SRD5A3: variants seen among roughly 807,000 people sequenced by gnomAD.
SRD5A3 encodes the protein steroid 5 alpha-reductase 3.
Under a neutral mutation model 34.3 loss-of-function variants are expected in SRD5A3, and 24 were observed. The ratio of observed to expected loss-of-function variants is 0.70; its 90% confidence interval spans 0.51 to 0.99. SRD5A3 has a LOEUF of 0.99. Among genes scored for constraint, SRD5A3 ranks in the 50% least tolerant of loss-of-function variants. SRD5A3 has a pLI of 0.00. For synonymous variants in SRD5A3, 161 were observed against 167.3 expected (o/e 0.96, Z 0.29); for missense variants, 350 against 388.2 (o/e 0.90, Z 0.83).
chr4:55,370,127 T>G lies in SRD5A3; in HGVS notation c.*36T>G. On this transcript the variant is annotated 3_prime_UTR_variant, in exon 5 of 5. Coordinates refer to ENST00000264228, the MANE Select transcript of SRD5A3 (RefSeq NM_024592.5). ...GTCATGAAGAATGCAAACCAGGTGA[T>G]GGTTTCAATGCCTAAGGACAGTGAA... 1 of 1,610,892 alleles carries G rather than the reference T, an allele frequency of 6.2e-7. No individual in the cohort carries two copies. Among genetic ancestry groups the G allele is most frequent in the Non-Finnish European group, 8.5e-7 (1 of 1,179,830 alleles).
intron 1 of SRD5A3, among the ~76,000 whole-genome samples, chr4:55,355,806 A>G (rs1205238448): frequency 6.6e-6 from 1 of 152,122 alleles, no homozygotes; most frequent in Non-Finnish European, 1.5e-5. Flanking sequence ...TGGGTTTCTC[A>G]TCTGCCACAC....
At chr4:55,359,639 C>G (rs1290897552) in intron 2 of SRD5A3, 151 bp downstream of exon 2, 1 of 1,038,220 alleles carries the variant, frequency 9.6e-7, no homozygotes, top group Non-Finnish European at 1.4e-6. Context: ...GAGCTTTGCA[C>G]GGTTCATTGC....
Position 55,369,911 on chromosome 4 carries a change from G to A in SRD5A3, c.777G>A (p.Glu259=). The A allele has an allele frequency of 6.2e-7, 1 of 1,614,126 alleles. No individual in the cohort carries two copies. The highest frequency in any genetic ancestry group is 1.3e-5 in the African/African-American group (1 of 75,000). ...EYVSSPNYLA[E]LMIYVSMAVT... ...TTTCTTCCCCTAACTACTTAGCAGA[G>A]CTGATGATCTACGTTTCCATGGCCG... is the stretch of plus-strand genomic sequence containing the variant. The change falls in exon 5 of 5, where the codon GAG becomes GAA. Residue 259 remains glutamate, a synonymous_variant. Coordinates refer to ENST00000264228, the MANE Select transcript of SRD5A3 (RefSeq NM_024592.5).
At chr4:55,354,182 C>A (rs931944222) in intron 1 of SRD5A3, among the ~76,000 whole-genome samples, 5 of 152,114 alleles carry the variant, frequency 3.3e-5, no homozygotes, top group African/African-American at 1.2e-4. Flanking sequence ...CTGCAGCCTC[C>A]CATCTCCTGG....
intron 1 of SRD5A3, among the ~76,000 whole-genome samples, chr4:55,349,152 A>G (rs1719098570): frequency 6.6e-6 from 1 of 152,154 alleles, no homozygotes; most frequent in Non-Finnish European, 1.5e-5. Context: ...CTCCTCCCTC[A>G]GTCTCCTGAG....
At chr4:55,366,286 T>C (rs1029516118) in intron 3 of SRD5A3, among the ~76,000 whole-genome samples, 1 of 152,226 alleles carries the variant, frequency 6.6e-6, no homozygotes, top group Non-Finnish European at 1.5e-5. Flanking sequence ...CTGTAACTTT[T>C]CATCCTGTTG....
At chr4:55,360,688 G>GTTTTTT (rs367942216) in intron 2 of SRD5A3, among the ~76,000 whole-genome samples, 1 of 133,610 alleles carries the variant, frequency 7.5e-6, no homozygotes, top group Non-Finnish European at 1.5e-5. Flanking sequence ...AATATGGAAC[G>GTTTTTT]TTTTTTTTTT....
intron 2 of SRD5A3, among the ~76,000 whole-genome samples, chr4:55,361,960 A>G (rs1719702219): frequency 6.6e-6 from 1 of 152,118 alleles, no homozygotes; most frequent in Non-Finnish European, 1.5e-5. Context: ...GATATGAGGA[A>G]TTCTATTTGT....
Position 55,346,405 on chromosome 4 carries a change from C to T in SRD5A3, c.69C>T (p.Thr23=). The T allele has an allele frequency of 6.3e-7, 1 of 1,590,878 alleles. No individual in the cohort carries two copies. Among genetic ancestry groups the T allele is most frequent in the Non-Finnish European group, 8.5e-7 (1 of 1,170,520 alleles). The change falls in exon 1 of 5, where the codon ACC becomes ACT. Residue 23 remains threonine, a synonymous_variant. Transcript: ENST00000264228. Reference sequence around the variant, plus strand: ...TGCGCGCGGTGTGGCTCACGCTGACCGCCGCCTTCCTGCTGACCCTACTGC... The same window carrying T: ...TGCGCGCGGTGTGGCTCACGCTGACTGCCGCCTTCCTGCTGACCCTACTGC... ...NPLRAVWLTL[T]AAFLLTLLLQ... is the part of the protein sequence containing the mutation.
At chr4:55,359,600 C>A (rs902662289) in intron 2 of SRD5A3, 112 bp downstream of exon 2, 4 of 1,427,422 alleles carry the variant, frequency 2.8e-6, no homozygotes, top group Non-Finnish European at 2.9e-6. Flanking sequence ...CTCAGAAGGG[C>A]CTGGGAAGTG....
intron 1 of SRD5A3, among the ~76,000 whole-genome samples, chr4:55,353,266 CTG>C (rs899603716): frequency 3.9e-5 from 6 of 152,156 alleles, no homozygotes; most frequent in African/African-American, 1.4e-4. Context: ...AATCAGCACT[CTG>C]TAAAAACACA....
rs1388485683 is a variant in SRD5A3, at chr4:55,346,327, C to T, written c.-10C>T. 1 of 1,429,092 alleles carries T rather than the reference C, an allele frequency of 7.0e-7. No homozygotes were observed. Among genetic ancestry groups the T allele is most frequent in the Non-Finnish European group, 9.1e-7 (1 of 1,094,528 alleles). The allele number at this position is 1,429,092 out of a possible 1,614,324, so 88.5% of individuals were successfully genotyped here. On this transcript the variant is annotated 5_prime_UTR_variant, in exon 1 of 5. Coordinates refer to ENST00000264228, the MANE Select transcript of SRD5A3 (RefSeq NM_024592.5). ...GGGCGCCAGCAGCGCGGAAGGCGGG[C>T]ACGCGGGCCATGGCTCCCTGGGCGG...
chr4:55,369,684 C>A, intron 4 of SRD5A3, 148 bp from the exon 5 acceptor site: 1 of 873,376 alleles, frequency 1.1e-6, no homozygotes, highest in Non-Finnish European at 1.8e-6. Flanking sequence ...TGAGCCATGA[C>A]TGCACGACTG....
chr4:55,346,349 G>T lies in SRD5A3; in HGVS notation c.13G>T (p.Ala5Ser), dbSNP rs1326948277. The T allele has an allele frequency of 3.3e-6, 5 of 1,513,302 alleles. No homozygotes were observed. The South Asian group carries it at 6.2e-5, about 19-fold the overall frequency. 93.7% of individuals were successfully genotyped at this position (1,513,302 alleles called of 1,614,324 possible). ...GGGCACGCGGGCCATGGCTCCCTGGGCGGAGGCCGAGCACTCGGCGCTGAA... is the reference window on the plus strand; with the variant it reads ...GGGCACGCGGGCCATGGCTCCCTGGTCGGAGGCCGAGCACTCGGCGCTGAA... The part of the protein sequence containing the change: MAPW[A>S]EAEHSALNPL... Residue 5 changes from alanine to serine, a missense_variant, in exon 1 of 5, where the codon GCG becomes TCG. Around this residue, in one of 3 missense-constraint regions of SRD5A3, gnomAD observed 159 missense variants for 149.1 expected, o/e 1.07. Transcript: ENST00000264228.
intron 2 of SRD5A3, 76 bp downstream of exon 2, chr4:55,359,564 C>A: frequency 6.3e-7 from 1 of 1,593,286 alleles, no homozygotes; most frequent in South Asian, 1.1e-5. Context: ...CAGTTTTTGG[C>A]ATTTTGTCTC....
At chr4:55,348,383 T>G (rs1460321314) in intron 1 of SRD5A3, among the ~76,000 whole-genome samples, 2 of 152,180 alleles carry the variant, frequency 1.3e-5, no homozygotes, top group African/African-American at 4.8e-5. Flanking sequence ...CTCCAAAAAA[T>G]TAATACATGT....
At chr4:55,354,756 T>G (rs1012738127) in intron 1 of SRD5A3, among the ~76,000 whole-genome samples, 2 of 152,256 alleles carry the variant, frequency 1.3e-5, no homozygotes, top group African/African-American at 2.4e-5. Context: ...TCCTCTTTTC[T>G]GCATTAGTTT....
chr4:55,353,808 C>T (rs970395486), intron 1 of SRD5A3, among the ~76,000 whole-genome samples: 1 of 152,202 alleles, frequency 6.6e-6, no homozygotes, highest in Non-Finnish European at 1.5e-5. Flanking sequence ...AAGGAAGAAA[C>T]TCCAGACACA....
chr4:55,354,836 G>A (rs7672989), intron 1 of SRD5A3, among the ~76,000 whole-genome samples: 3,247 of 152,300 alleles, frequency 0.021, 118 homozygotes, highest in African/African-American at 0.074. Context: ...GCGTGCGCGC[G>A]TACGCATGTG....
Sources: allele counts gnomAD v4.1 joint callset (sites outside exome capture counted in the v4.1 genomes callset), GRCh38; gene constraint gnomAD v4.1.1; regional missense constraint gnomAD v4.1.1; transcripts MANE v1.5; gene names NCBI Gene and HGNC (gene_info 2026-07-23, HGNC 2026-07-21).